The following SLC39A14 variants were observed in gnomAD, a reference collection of about 807,000 sequenced individuals.
SLC39A14 encodes metal cation symporter ZIP14.
SLC39A14 carries 19 observed loss-of-function variants against 45.5 expected under a neutral mutation model. The observed-to-expected ratio is 0.42, with a 90% CI of 0.29 to 0.61. The LOEUF (loss-of-function observed/expected upper bound fraction) is 0.61. SLC39A14 is among the 20% of genes least tolerant of loss of function. The probability of loss-of-function intolerance (pLI) is 0.22; values close to 1 mark genes in which losing one functional copy is unlikely to be tolerated. For missense variants in SLC39A14, 447 were observed against 616.5 expected, an observed-to-expected ratio of 0.73 and a Z score of 2.91; for synonymous variants, 264 against 251.3, an observed-to-expected ratio of 1.05 and a Z score of -0.48.
At chr8:22,409,661 C>T (rs1586729598) in intron 3 of SLC39A14, among the ~76,000 whole-genome samples, 1 of 152,348 alleles carries the variant, frequency 6.6e-6, no homozygotes, top group East Asian at 1.9e-4. Context: ...GGATTATAGG[C>T]TTGCGCCACC....
chr8:22,382,248 G>T (rs1295250942), intron 1 of SLC39A14, among the ~76,000 whole-genome samples: 2 of 151,932 alleles, frequency 1.3e-5, no homozygotes, highest in Admixed American at 6.6e-5. Context: ...AAGAAATGCA[G>T]GTTAAAATAA....
intron 1 of SLC39A14, among the ~76,000 whole-genome samples, chr8:22,400,542 C>T (rs1369394672): frequency 1.3e-5 from 2 of 152,080 alleles, no homozygotes; most frequent in Admixed American, 1.3e-4. Context: ...TAAGATCCAC[C>T]CTGCTCGCCA....
In SLC39A14 at chr8:22,408,371, G is replaced by A. The variant is rs1313779864; in HGVS notation, c.332G>A (p.Ser111Asn). 9.3e-6 allele frequency: 15 copies of A among 1,614,116 alleles called. No homozygotes were observed. Among genetic ancestry groups the A allele is most frequent in the Non-Finnish European group, 1.2e-5 (14 of 1,180,048 alleles). ...HNFSEQSRIG[S>N]SELQEFCPTI... The stretch of plus-strand genomic sequence containing the variant: ...TTCAGCGAGCAGTCGCGGATTGGGA[G>A]CAGCGAGCTCCAGGAGTTCTGCCCC... The change falls in exon 3 of 9, where the codon AGC becomes AAC. Residue 111 changes from serine (S) to asparagine (N), a missense_variant. Transcript: ENST00000381237.
chr8:22,390,460 C>T (rs1044669679), intron 1 of SLC39A14: 1 of 152,068 alleles, frequency 6.6e-6, no homozygotes, highest in African/African-American at 2.4e-5. Context: ...CACACACAAC[C>T]ATGCCCGGCT....
chr8:22,412,530 A>G (rs1289294380), intron 4 of SLC39A14, among the ~76,000 whole-genome samples: 1 of 152,222 alleles, frequency 6.6e-6, no homozygotes, highest in African/African-American at 2.4e-5. Flanking sequence ...AGTCTGCTGC[A>G]GCACTGAGTG....
chr8:22,373,098 C>G (rs1310855829), intron 1 of SLC39A14, among the ~76,000 whole-genome samples: 1 of 151,874 alleles, frequency 6.6e-6, no homozygotes, highest in Non-Finnish European at 1.5e-5. Context: ...CTCGTCTCTA[C>G]TAAAAATACA....
At position 22,401,543 on chromosome 8, in the gene SLC39A14, CTT is replaced by C. The variant is rs71544899; in HGVS notation, c.-15-3132_-15-3131del. 2.1e-4 allele frequency among the ~76,000 whole-genome samples: 18 copies of C among 84,072 alleles called. No homozygotes were observed. In the East Asian group the frequency reaches 3.3e-3, roughly 15 times the overall value. The allele number at this position is 84,072 out of a possible 152,430, so 55.2% of individuals were successfully genotyped here. A position where few individuals can be genotyped will look rare whatever the true frequency, so the allele number is the denominator to read the frequency against. ...CTGTCTTTCTCTTTCTCTTCTCTTT[CTT>C]TTTTTTTTTTTTTTTTTTTTGAGAT... On this transcript the variant is annotated intron_variant, in intron 1 of 8. Transcript: ENST00000381237.
chr8:22,419,922 ACCT>A lies in SLC39A14; in HGVS notation c.*228_*230del. ...AGCTAGTGCCTCTTGCCCTCTCCTC[ACCT>A]CCTTTTCTCTCAGTGACTCTGGAAC... On this transcript the variant is annotated 3_prime_UTR_variant, in exon 9 of 9. Transcript: ENST00000381237. The A allele has an allele frequency of 8.1e-7, 1 of 1,230,032 alleles. No individual in the cohort carries two copies. 76.2% of individuals were successfully genotyped at this position (1,230,032 alleles called of 1,614,324 possible). A position where few individuals can be genotyped will look rare whatever the true frequency, so the allele number is the denominator to read the frequency against.
intron 5 of SLC39A14, 96 bp downstream of exon 5, chr8:22,414,998 C>G (rs1310907717): frequency 2.9e-6 from 4 of 1,359,536 alleles, no homozygotes; most frequent in Non-Finnish European, 4.1e-6. Context: ...ATGGTCTTAG[C>G]CCAATATCAC....
intron 1 of SLC39A14, among the ~76,000 whole-genome samples, chr8:22,387,153 A>G (rs1402735458): frequency 1.3e-5 from 2 of 148,970 alleles, no homozygotes; most frequent in Non-Finnish European, 3.0e-5. Flanking sequence ...AGTTTAGGTA[A>G]CAGAGTGAGA....
chr8:22,432,824 T>G lies in SLC39A14; in HGVS notation c.1333-1067T>G, dbSNP rs902665248. Among the ~76,000 whole-genome samples the G allele has an allele frequency of 8.0e-5, 12 of 150,278 alleles. 1 individual carries two copies. The Middle Eastern group carries it at 0.024, about 300-fold the overall frequency. ...CACAACACCCGGCTATTTTGTTTTT[T>G]TTTTTTTTTTGTAGAGATGGGTTTT... On this transcript the variant is annotated intron_variant, in intron 8 of 8. Transcript: ENST00000240095.
chr8:22,430,437 TA>T (rs1563641870), intron 8 of SLC39A14, among the ~76,000 whole-genome samples: 1 of 152,144 alleles, frequency 6.6e-6, no homozygotes, highest in East Asian at 1.9e-4. Flanking sequence ...ATCTGCTGTA[TA>T]GGAAAATAGA....
At chr8:22,408,205 T>G in intron 2 of SLC39A14, 105 bp from the exon 3 acceptor site, 4 of 1,026,692 alleles carry the variant, frequency 3.9e-6, no homozygotes, top group Non-Finnish European at 5.8e-6. Context: ...TTTGGACATT[T>G]CTGTCTTCTC....
chr8:22,431,144 C>T (rs1836460839), intron 8 of SLC39A14, among the ~76,000 whole-genome samples: 1 of 151,988 alleles, frequency 6.6e-6, no homozygotes, highest in Non-Finnish European at 1.5e-5. Context: ...CGTGCCACCA[C>T]ACCTGGCTAA....
rs1486916642 is a variant in SLC39A14, at chr8:22,396,589, AG to A, written c.-15-8106del. On this transcript the variant is annotated intron_variant, in intron 1 of 8. Coordinates refer to ENST00000381237, the MANE Select transcript of SLC39A14 (RefSeq NM_001128431.4). ...GAGAGAGAGAGAGAGAGAGAGAGAGAGAGAGAGAGAAGACTAAGTGGAATTT... is the reference window on the plus strand; with the variant it reads ...GAGAGAGAGAGAGAGAGAGAGAGAGAAGAGAGAGAAGACTAAGTGGAATTT... Among the ~76,000 whole-genome samples the A allele has an allele frequency of 1.5e-4, 14 of 96,000 alleles. 3 individuals carry two copies. The highest frequency in any genetic ancestry group is 3.4e-4 in the Admixed American group (3 of 8,910). 63.0% of individuals were successfully genotyped at this position (96,000 alleles called of 152,430 possible).
Position 22,420,928 on chromosome 8 carries a change from A to G in SLC39A14, c.*1230A>G. ...AAAAGTCGAATCCTGCATTGAATTG[A>G]ATATGAATTTCTCTAACTCTCTCCA... On this transcript the variant is annotated 3_prime_UTR_variant, in exon 9 of 9. Coordinates refer to ENST00000381237, the MANE Select transcript of SLC39A14 (RefSeq NM_001128431.4). The G allele has an allele frequency of 1.0e-6, 1 of 985,846 alleles. No individual in the cohort carries two copies. The highest frequency in any genetic ancestry group is 1.2e-6 in the Non-Finnish European group (1 of 829,946). The allele number at this position is 985,846 out of a possible 1,614,324, so 61.1% of individuals were successfully genotyped here. A position where few individuals can be genotyped will look rare whatever the true frequency, so the allele number is the denominator to read the frequency against.
chr8:22,372,976 T>C (rs1199519558), intron 1 of SLC39A14, among the ~76,000 whole-genome samples: 1 of 150,260 alleles, frequency 6.7e-6, no homozygotes, highest in Non-Finnish European at 1.5e-5. Flanking sequence ...AAAAAAAAAA[T>C]GTTTTGAACG....
In SLC39A14 at chr8:22,422,565, A is replaced by AT. The variant is rs934804120; in HGVS notation, c.*2874dup. On this transcript the variant is annotated 3_prime_UTR_variant, in exon 9 of 9. Coordinates refer to ENST00000381237, the MANE Select transcript of SLC39A14 (RefSeq NM_001128431.4). ...TACAGTTCTGCAGTTCCATCACAGT[A>AT]TTTTTTTAAATAACTCAGGTGTATG... is the stretch of plus-strand genomic sequence containing the variant. 6.1e-6 allele frequency: 6 copies of AT among 985,002 alleles called. No homozygotes were observed. The highest frequency in any genetic ancestry group is 4.7e-5 in the South Asian group (1 of 21,266). 61.0% of individuals were successfully genotyped at this position (985,002 alleles called of 1,614,324 possible).
intron 1 of SLC39A14, among the ~76,000 whole-genome samples, chr8:22,371,432 T>TAAATAA (rs879875892): frequency 0.63 from 87,476 of 139,752 alleles, 29,417 homozygotes; most frequent in African/African-American, 0.82. Context: ...TTTTTTTTTT[T>TAAATAA]TTTTTTTTTT....
Sources: allele counts gnomAD v4.1 joint callset (sites outside exome capture counted in the v4.1 genomes callset), GRCh38; gene constraint gnomAD v4.1.1; transcripts MANE v1.5; gene names NCBI Gene and HGNC (gene_info 2026-07-23, HGNC 2026-07-21).